CDH4: variants seen among roughly 807,000 people sequenced by gnomAD.
CDH4 encodes the protein cadherin-4.
Under a neutral mutation model 86.0 loss-of-function variants are expected in CDH4, and 33 were observed. That is an observed-to-expected ratio of 0.38 (90% CI 0.29 to 0.51). CDH4 has a LOEUF of 0.51. Among genes scored for constraint, CDH4 ranks in the 20% least tolerant of loss-of-function variants. The pLI is 0.86. For synonymous variants in CDH4, 555 were observed against 549.4 expected (o/e 1.01, Z -0.14); for missense variants, 1,114 against 1,307.4 (o/e 0.85, Z 2.28).
intron 2 of CDH4, among the ~76,000 whole-genome samples, chr20:61,731,843 G>C (rs375642781): frequency 6.6e-6 from 1 of 152,156 alleles, no homozygotes; most frequent in Non-Finnish European, 1.5e-5. Context: ...ACGAGGACTC[G>C]GGGGCTGCAC....
intron 4 of CDH4, among the ~76,000 whole-genome samples, chr20:61,784,385 T>G (rs112658921): frequency 1.6e-3 from 11 of 7,008 alleles, no homozygotes; most frequent in South Asian, 5.0e-3. Context: ...GAGAATGTAA[T>G]CCCAGTTCCT....
intron 2 of CDH4, among the ~76,000 whole-genome samples, chr20:61,437,875 G>T (rs971156250): frequency 6.6e-6 from 1 of 152,198 alleles, no homozygotes; most frequent in African/African-American, 2.4e-5. Flanking sequence ...GATGATGCCA[G>T]AAAGACTGGT....
intron 2 of CDH4, among the ~76,000 whole-genome samples, chr20:61,665,760 C>T (rs533880219): frequency 6.6e-6 from 1 of 152,294 alleles, no homozygotes; most frequent in South Asian, 2.1e-4. Flanking sequence ...GGATTTATCT[C>T]CGACCTTTGA....
chr20:61,912,997 G>A (rs60306182), intron 9 of CDH4, among the ~76,000 whole-genome samples: 3,565 of 152,306 alleles, frequency 0.023, 132 homozygotes, highest in African/African-American at 0.079. Flanking sequence ...GGAGTGAGCC[G>A]TGAGCCCAGA....
intron 7 of CDH4, among the ~76,000 whole-genome samples, chr20:61,888,541 TG>T (rs1984648848): frequency 6.6e-6 from 1 of 152,228 alleles, no homozygotes; most frequent in African/African-American, 2.4e-5. Flanking sequence ...ACCTCTGCTA[TG>T]GGTAGTACCA....
At chr20:61,647,301 G>A (rs569233535) in intron 2 of CDH4, among the ~76,000 whole-genome samples, 1 of 152,244 alleles carries the variant, frequency 6.6e-6, no homozygotes, top group African/African-American at 2.4e-5. Flanking sequence ...GTGGTACCTG[G>A]CTGTCTGCCT....
chr20:61,476,399 T>G (rs1404707746), intron 2 of CDH4, among the ~76,000 whole-genome samples: 1 of 152,188 alleles, frequency 6.6e-6, no homozygotes, highest in Non-Finnish European at 1.5e-5. Flanking sequence ...GTGTGTGTGT[T>G]CTGAACATGT....
rs1555821304 is a variant in CDH4, at chr20:61,661,091, G to GGGC, written c.170-82470_170-82469insCGG. Among the ~76,000 whole-genome samples the GGGC allele has an allele frequency of 2.1e-5, 3 of 144,054 alleles. No individual in the cohort carries two copies. The South Asian group carries it at 6.8e-4, about 33-fold the overall frequency. 94.5% of individuals were successfully genotyped at this position (144,054 alleles called of 152,430 possible). On this transcript the variant is annotated intron_variant, in intron 2 of 15. Coordinates refer to ENST00000614565, the MANE Select transcript of CDH4 (RefSeq NM_001794.5). ...CATGGACAGGAGGCATGGCGGGGGG[G>GGGC]GGGGAGACACAGTGCCAGGCTCATG...
At position 61,547,074 on chromosome 20, in the gene CDH4, A is replaced by T. The variant is rs906662730; in HGVS notation, c.170-196489A>T. Reference sequence around the variant, plus strand: ...TCCCTTCTATATCCTTTCCACGTTGATGGTGTCCTCACTTACCATAGTGGG... The same window carrying T: ...TCCCTTCTATATCCTTTCCACGTTGTTGGTGTCCTCACTTACCATAGTGGG... On this transcript the variant is annotated intron_variant, in intron 2 of 15. Coordinates refer to ENST00000614565, the MANE Select transcript of CDH4 (RefSeq NM_001794.5). 2.6e-5 allele frequency among the ~76,000 whole-genome samples: 4 copies of T among 151,078 alleles called. No homozygotes were observed. In the East Asian group the frequency reaches 5.9e-4, roughly 22 times the overall value.
chr20:61,418,052 GTTAAATGGCAAATGCTGA>G lies in CDH4; in HGVS notation c.169+163135_169+163152del, dbSNP rs578258249. ...TCTCACCTGCCTTTGCTCTTTTGCT[GTTAAATGGCAAATGCTGA>G]TTAAATGGCAAATGCTGATCAAGAA... On this transcript the variant is annotated intron_variant, in intron 2 of 15. Coordinates refer to ENST00000614565, the MANE Select transcript of CDH4 (RefSeq NM_001794.5). Among the ~76,000 whole-genome samples, 529 of 152,150 alleles carry G rather than the reference GTTAAATGGCAAATGCTGA, an allele frequency of 3.5e-3. 3 individuals carry two copies. Among genetic ancestry groups the G allele is most frequent in the Middle Eastern group, 6.8e-3 (2 of 294 alleles).
chr20:61,620,471 GGATA>G (rs1236692696), intron 2 of CDH4, among the ~76,000 whole-genome samples: 5 of 151,916 alleles, frequency 3.3e-5, no homozygotes, highest in Non-Finnish European at 5.9e-5. Context: ...GATGATGGAT[GGATA>G]GATAGATGGA....
intron 2 of CDH4, among the ~76,000 whole-genome samples, chr20:61,640,562 A>G (rs965552664): frequency 1.3e-5 from 2 of 152,208 alleles, no homozygotes; most frequent in East Asian, 1.9e-4. Flanking sequence ...TACTGCCACC[A>G]TGATGAGACA....
At chr20:61,932,936 A>G (rs2123008092) in intron 13 of CDH4, 49 bp from the exon 14 acceptor site, 2 of 1,596,442 alleles carry the variant, frequency 1.3e-6, no homozygotes, top group Non-Finnish European at 1.7e-6. Flanking sequence ...AGAGGCACAC[A>G]TGCGCACACC....
chr20:61,460,281 A>G (rs1162440134), intron 2 of CDH4, among the ~76,000 whole-genome samples: 2 of 152,110 alleles, frequency 1.3e-5, no homozygotes, highest in Non-Finnish European at 2.9e-5. Flanking sequence ...AATCAATATG[A>G]GCAGCTCATC....
At chr20:61,932,943 C>T (rs370807625) in intron 13 of CDH4, 42 bp from the exon 14 acceptor site, 9 of 1,595,324 alleles carry the variant, frequency 5.6e-6, no homozygotes, top group Non-Finnish European at 7.7e-6. Context: ...CACATGCGCA[C>T]ACCCGCAGCA....
chr20:61,358,382 G>A (rs1391918789), intron 2 of CDH4, among the ~76,000 whole-genome samples: 3 of 152,168 alleles, frequency 2.0e-5, no homozygotes, highest in Non-Finnish European at 4.4e-5. Flanking sequence ...TGACCTCCAC[G>A]AGGGGCTCAG....
At chr20:61,761,498 G>T (rs1219218288) in intron 3 of CDH4, among the ~76,000 whole-genome samples, 1 of 152,178 alleles carries the variant, frequency 6.6e-6, no homozygotes, top group Admixed American at 6.5e-5. Flanking sequence ...TGTGTGTGTG[G>T]CTGGGGTCAG....
chr20:61,275,464 C>T (rs2084225174), intron 2 of CDH4, among the ~76,000 whole-genome samples: 2 of 92,980 alleles, frequency 2.2e-5, no homozygotes, highest in African/African-American at 4.5e-5. Flanking sequence ...GAGTACCGTG[C>T]ACAGTTTGGG....
chr20:61,900,003 GCCGCCCGAGGATGCTGCCTGCGGT>G (rs1468839648), intron 8 of CDH4, among the ~76,000 whole-genome samples: 1 of 152,224 alleles, frequency 6.6e-6, no homozygotes. Context: ...CCCTCCCCAA[GCCGCCCGAGGATGCTGCCTGCGGT>G]CCCTCCTCGG....
Sources: allele counts gnomAD v4.1 joint callset (sites outside exome capture counted in the v4.1 genomes callset), GRCh38; gene constraint gnomAD v4.1.1; transcripts MANE v1.5; gene names NCBI Gene and HGNC (gene_info 2026-07-23, HGNC 2026-07-21).